CFAP43: variants seen among roughly 807,000 people sequenced by gnomAD.
CFAP43 encodes cilia and flagella associated protein 43.
CFAP43 carries 155 observed loss-of-function variants against 218.9 expected under a neutral mutation model. The ratio of observed to expected loss-of-function variants is 0.71; its 90% CI spans 0.62 to 0.81. The LOEUF (loss-of-function observed/expected upper bound fraction) is 0.81. Among genes scored for constraint, CFAP43 ranks in the 30% least tolerant of loss-of-function variants. CFAP43 has a pLI of 0.00. For synonymous variants in CFAP43, 645 were observed against 681.3 expected (o/e 0.95, Z 0.83); for missense variants, 1,778 against 1,954.3 (o/e 0.91, Z 1.70).
intron 23 of CFAP43, among the ~76,000 whole-genome samples, chr10:104,165,867 C>T (rs889670452): frequency 9.9e-5 from 15 of 152,026 alleles, no homozygotes; most frequent in Admixed American, 2.0e-4. Context: ...ACCGAGAAAA[C>T]GGAATTCTAG....
In CFAP43 at chr10:104,166,631, C is replaced by T; in HGVS notation, c.2896G>A (p.Asp966Asn). 6.2e-7 allele frequency: 1 copy of T among 1,614,122 alleles called. No homozygotes were observed. Among genetic ancestry groups the T allele is most frequent in the Non-Finnish European group, 8.5e-7 (1 of 1,179,996 alleles). Residue 966 changes from aspartate to asparagine, a missense_variant, in exon 23 of 38, where the codon GAC becomes AAC. Asp to Asn is a conservative substitution (Grantham distance 23). This residue lies in a region of CFAP43 where 1,553 missense variants were observed against 1,685.2 expected (regional missense o/e 0.92). Transcript: ENST00000357060. ...AAATTGCTATATTTTACTGTCTTGT[C>T]TTCCTCTTCCTCTTCTTCATCATCC... Reference protein sequence around the residue: ...EEDDEEEEEEDKTVKYSNLPN... With the variant: ...EEDDEEEEEENKTVKYSNLPN...
chr10:104,163,745 G>C (rs1207897963), intron 24 of CFAP43, among the ~76,000 whole-genome samples: 1 of 152,220 alleles, frequency 6.6e-6, no homozygotes, highest in Non-Finnish European at 1.5e-5. Context: ...ATTCAGACCA[G>C]CTACTTTCTC....
At position 104,179,913 on chromosome 10, in the gene CFAP43, T is replaced by C. The variant is rs1484535680; in HGVS notation, c.2309A>G (p.Asp770Gly). 2 of 1,613,750 alleles carry C rather than the reference T, an allele frequency of 1.2e-6. No individual in the cohort carries two copies. The highest frequency in any genetic ancestry group is 1.7e-6 in the Non-Finnish European group (2 of 1,179,828). Residue 770 changes from aspartate (D) to glycine (G), a missense_variant, in exon 18 of 38, where the codon GAC becomes GGC. Asp to Gly is a moderately conservative substitution (Grantham distance 94). Around this residue, in one of 3 missense-constraint regions of CFAP43, gnomAD observed 1,553 missense variants for 1,685.2 expected, o/e 0.92. Transcript: ENST00000357060. ...TAGAACTAATTCATCTTGTGATAAG[T>C]CAGTGCTTGCCTTCTGTTTCTGATA... ...SEHTKQKAST[D>G]LSQDELVLTD...
intron 5 of CFAP43, among the ~76,000 whole-genome samples, chr10:104,211,378 C>T (rs1360352883): frequency 6.6e-6 from 1 of 152,174 alleles, no homozygotes; most frequent in Non-Finnish European, 1.5e-5. Context: ...ACAGTGTCTG[C>T]TCCATAGAAG....
At position 104,162,361 on chromosome 10, in the gene CFAP43, C is replaced by A. The variant is rs1277512867; in HGVS notation, c.3289G>T (p.Glu1097Ter). Reference sequence around the variant, plus strand: ...TCCTTTTCATGATTCACGATCAATTCTTTGGCTTTGTGCCACGGCTTAATG... The same window carrying A: ...TCCTTTTCATGATTCACGATCAATTATTTGGCTTTGTGCCACGGCTTAATG... ...KHIKPWHKAK[E>*]LIVNHEKEHW... Residue 1097 changes from glutamate to a stop codon, truncating the protein, a stop_gained, in exon 25 of 38, where the codon GAA (glutamate) becomes TAA (stop). Coordinates refer to ENST00000357060, the MANE Select transcript of CFAP43 (RefSeq NM_025145.7). LOFTEE classifies it high-confidence loss of function. 2 of 1,614,076 alleles carry A rather than the reference C, an allele frequency of 1.2e-6. No homozygotes were observed. Among genetic ancestry groups the A allele is most frequent in the Non-Finnish European group, 1.7e-6 (2 of 1,180,024 alleles).
In CFAP43 at chr10:104,133,631, C is replaced by A; in HGVS notation, c.4585G>T (p.Asp1529Tyr). 6.2e-7 allele frequency: 1 copy of A among 1,610,778 alleles called. No homozygotes were observed. The highest frequency in any genetic ancestry group is 8.5e-7 in the Non-Finnish European group (1 of 1,179,024). ...TAGGGAGAATTTACCTTTTGACGAT[C>A]TCTTGAAAAAAATAGCATCTGAATA... ...WDIQMLFFSR[D>Y]RQKYLNEPNY... The change falls in exon 35 of 38, where the codon GAT (aspartate) becomes TAT (tyrosine). Residue 1529 changes from aspartate (D) to tyrosine (Y), a missense_variant. Physicochemically the swap from Asp to Tyr is radical, Grantham distance 160 (BLOSUM62 -3). Transcript: ENST00000357060.
At chr10:104,182,236 G>A (rs2089871001) in intron 17 of CFAP43, 130 bp downstream of exon 17, 1 of 1,062,940 alleles carries the variant, frequency 9.4e-7, no homozygotes, top group Admixed American at 3.0e-5. Context: ...TTCCCTTTTT[G>A]AAAATCATGG....
At chr10:104,147,581 G>C (rs1589638355) in intron 29 of CFAP43, among the ~76,000 whole-genome samples, 1 of 152,092 alleles carries the variant, frequency 6.6e-6, no homozygotes, top group East Asian at 1.9e-4. Context: ...CTTGTCCTAG[G>C]TCCCACAGCC....
At chr10:104,232,106 G>C (rs1444663587) in intron 1 of CFAP43, 76 bp downstream of exon 1, 8 of 1,508,678 alleles carry the variant, frequency 5.3e-6, no homozygotes, top group Middle Eastern at 1.7e-4. Flanking sequence ...GAACCGGAGG[G>C]AGAGGAGGGA....
At chr10:104,157,562 T>C (rs550903136) in intron 27 of CFAP43, among the ~76,000 whole-genome samples, 51 of 152,036 alleles carry the variant, frequency 3.4e-4, no homozygotes, top group Non-Finnish European at 6.3e-4. Flanking sequence ...TGGGACAGCA[T>C]TTTTGATAGA....
At chr10:104,230,007 T>G (rs111716290) in intron 2 of CFAP43, among the ~76,000 whole-genome samples, 3,255 of 152,316 alleles carry the variant, frequency 0.021, 62 homozygotes, top group Middle Eastern at 0.044. Flanking sequence ...CAGATTCTGA[T>G]TGAGTAGCTC....
intron 27 of CFAP43, 115 bp downstream of exon 27, chr10:104,160,922 G>A (rs2088835111): frequency 1.9e-6 from 2 of 1,030,578 alleles, no homozygotes; most frequent in East Asian, 5.4e-5. Context: ...GAGAATTTAA[G>A]CTGAAACACT....
At chr10:104,145,976 G>T (rs74154742) in intron 30 of CFAP43, among the ~76,000 whole-genome samples, 2 of 152,004 alleles carry the variant, frequency 1.3e-5, no homozygotes, top group African/African-American at 4.8e-5. Flanking sequence ...TGATTTCATG[G>T]CCAAGTAATG....
chr10:104,131,485 C>A lies in CFAP43; in HGVS notation c.4678-1G>T, dbSNP rs375353639. 1.2e-6 allele frequency: 2 copies of A among 1,606,048 alleles called. No individual in the cohort carries two copies. Among genetic ancestry groups the A allele is most frequent in the Non-Finnish European group, 1.7e-6 (2 of 1,177,912 alleles). On this transcript the variant is annotated splice_acceptor_variant, in intron 36 of 37. Transcript: ENST00000357060. LOFTEE classifies it high-confidence loss of function. ...AGTTTTCCACATTCTTTTTGTGCAT[C>A]TGAAATTTTTGTTCCCATGACACCC...
At chr10:104,202,264 A>C (rs2090555618) in intron 8 of CFAP43, among the ~76,000 whole-genome samples, 1 of 152,236 alleles carries the variant, frequency 6.6e-6, no homozygotes, top group Non-Finnish European at 1.5e-5. Flanking sequence ...AGTCTAACTG[A>C]AATTCCTTAG....
chr10:104,202,192 C>A (rs888105437), intron 8 of CFAP43, among the ~76,000 whole-genome samples: 3 of 152,206 alleles, frequency 2.0e-5, no homozygotes, highest in African/African-American at 7.2e-5. Flanking sequence ...CTGAACCCTG[C>A]ACTACACTGA....
intron 12 of CFAP43, among the ~76,000 whole-genome samples, chr10:104,188,623 G>A (rs1203882911): frequency 6.6e-6 from 1 of 152,144 alleles, no homozygotes; most frequent in East Asian, 1.9e-4. Context: ...TGTCTAGACT[G>A]GCAGATTTAA....
At chr10:104,139,931 A>C (rs1355426473) in intron 34 of CFAP43, among the ~76,000 whole-genome samples, 1 of 152,212 alleles carries the variant, frequency 6.6e-6, no homozygotes, top group Non-Finnish European at 1.5e-5. Flanking sequence ...TAAAAATAAA[A>C]TGTACAGTAG....
intron 16 of CFAP43, 87 bp from the exon 17 acceptor site, chr10:104,182,600 C>A (rs2089889516): frequency 7.8e-6 from 10 of 1,287,824 alleles, no homozygotes; most frequent in Non-Finnish European, 1.0e-5. Context: ...AGGTAACTAA[C>A]CATTTCAGTT....
Sources: allele counts gnomAD v4.1 joint callset (sites outside exome capture counted in the v4.1 genomes callset), GRCh38; gene constraint gnomAD v4.1.1; regional missense constraint gnomAD v4.1.1; transcripts MANE v1.5; gene names NCBI Gene and HGNC (gene_info 2026-07-23, HGNC 2026-07-21).